The following PRELID3B variants were observed in gnomAD, a reference collection of about 807,000 sequenced individuals.
The protein encoded by PRELID3B is PRELI domain containing 3B.
In PRELID3B, 15 loss-of-function variants were observed where a neutral mutation model predicts 24.0. The ratio of observed to expected loss-of-function variants is 0.63; its 90% CI spans 0.42 to 0.96. The LOEUF is 0.96. Among genes scored for constraint, PRELID3B ranks in the 40% least tolerant of loss-of-function variants. PRELID3B has a pLI of 0.00. For missense variants in PRELID3B, 189 were observed against 236.0 expected, an observed-to-expected ratio of 0.80 and a Z score of 1.30; for synonymous variants, 62 against 76.0, an observed-to-expected ratio of 0.82 and a Z score of 0.96.
In PRELID3B at chr20:59,034,912, ACC is replaced by A; in HGVS notation, c.*93_*94del. ...TATCAAAAAAAAAAAAAAAAAAACT[ACC>A]CAAAATATAGTTGTATTTTTAAAAT... On this transcript the variant is annotated 3_prime_UTR_variant, in exon 6 of 6. Transcript: ENST00000355937. 2 of 1,135,930 alleles carry A rather than the reference ACC, an allele frequency of 1.8e-6. No homozygotes were observed. The highest frequency in any genetic ancestry group is 2.3e-6 in the Non-Finnish European group (2 of 866,294). The allele number at this position is 1,135,930 out of a possible 1,614,324, so 70.4% of individuals were successfully genotyped here.
At chr20:59,041,728 C>T (rs906258236) in intron 1 of PRELID3B, among the ~76,000 whole-genome samples, 2 of 152,076 alleles carry the variant, frequency 1.3e-5, no homozygotes, top group African/African-American at 4.8e-5. Context: ...GAGCGAGACT[C>T]TGCCTCAAAA....
At position 59,034,709 on chromosome 20, in the gene PRELID3B, T is replaced by C; in HGVS notation, c.*298A>G. On this transcript the variant is annotated 3_prime_UTR_variant, in exon 6 of 6. Coordinates refer to ENST00000355937, the MANE Select transcript of PRELID3B (RefSeq NM_016045.3). ...CAATGTATGAAAAGCTTGAAAAATCTACCTTAAGGAGACTGAATATCAATA... is the reference window on the plus strand; with the variant it reads ...CAATGTATGAAAAGCTTGAAAAATCCACCTTAAGGAGACTGAATATCAATA... 4.2e-6 allele frequency: 1 copy of C among 239,928 alleles called. No homozygotes were observed. The allele number at this position is 239,928 out of a possible 1,614,324, so 14.9% of individuals were successfully genotyped here. A position where few individuals can be genotyped will look rare whatever the true frequency, so the allele number is the denominator to read the frequency against.
intron 5 of PRELID3B, 75 bp from the exon 6 acceptor site, chr20:59,035,201 A>T: frequency 7.2e-7 from 1 of 1,390,342 alleles, no homozygotes; most frequent in Non-Finnish European, 9.7e-7. Context: ...ACACACCAGG[A>T]AGTAACAAGG....
chr20:59,034,039 A>G lies in PRELID3B; in HGVS notation c.*968T>C, dbSNP rs1039838468. On this transcript the variant is annotated 3_prime_UTR_variant, in exon 6 of 6. Coordinates refer to ENST00000355937, the MANE Select transcript of PRELID3B (RefSeq NM_016045.3). ...ACTAAGTACCTGGGATTTATGCCTC[A>G]GAGCAAGACATCATTTGAGTAATTT... 5 of 152,220 alleles carry G rather than the reference A, an allele frequency of 3.3e-5. No homozygotes were observed. The highest frequency in any genetic ancestry group is 1.2e-4 in the African/African-American group (5 of 41,466). 9.4% of individuals were successfully genotyped at this position (152,220 alleles called of 1,614,324 possible). A position where few individuals can be genotyped will look rare whatever the true frequency, so the allele number is the denominator to read the frequency against.
chr20:59,036,711 G>C lies in PRELID3B; in HGVS notation c.341C>G (p.Pro114Arg). 6.2e-7 allele frequency: 1 copy of C among 1,601,030 alleles called. No homozygotes were observed. Among genetic ancestry groups the C allele is most frequent in the Non-Finnish European group, 8.5e-7 (1 of 1,169,942 alleles). ...TCACTTTTCTGGATCCTGAGGATGT[G>C]GTTTGTATATAAGTCTCTCATCTAC... ...VSVDERLIYK[P>R]HPQDPEKTVL... Residue 114 changes from proline (P) to arginine (R), a missense_variant, in exon 4 of 6, where the codon CCA (proline) becomes CGA (arginine). Coordinates refer to ENST00000355937, the MANE Select transcript of PRELID3B (RefSeq NM_016045.3).
chr20:59,035,278 T>C, intron 5 of PRELID3B, 152 bp from the exon 6 acceptor site: 1 of 637,294 alleles, frequency 1.6e-6, no homozygotes, highest in Non-Finnish European at 2.5e-6. Flanking sequence ...TCTAATGTTA[T>C]TTAGCAAACA....
chr20:59,042,591 T>C (rs1169432566), intron 1 of PRELID3B, 108 bp downstream of exon 1: 2 of 1,117,464 alleles, frequency 1.8e-6, no homozygotes, highest in African/African-American at 3.3e-5. Flanking sequence ...TTCGCTCCCC[T>C]CGCTAGGCCC....
In PRELID3B at chr20:59,034,912, A is replaced by C; in HGVS notation, c.*95T>G. On this transcript the variant is annotated 3_prime_UTR_variant, in exon 6 of 6. Transcript: ENST00000355937. Reference sequence around the variant, plus strand: ...TATCAAAAAAAAAAAAAAAAAAACTACCCAAAATATAGTTGTATTTTTAAA... The same window carrying C: ...TATCAAAAAAAAAAAAAAAAAAACTCCCCAAAATATAGTTGTATTTTTAAA... 1.8e-6 allele frequency: 2 copies of C among 1,135,938 alleles called. No individual in the cohort carries two copies. The allele number at this position is 1,135,938 out of a possible 1,614,324, so 70.4% of individuals were successfully genotyped here.
At chr20:59,036,173 A>T (rs2092070580) in intron 5 of PRELID3B, among the ~76,000 whole-genome samples, 1 of 152,176 alleles carries the variant, frequency 6.6e-6, no homozygotes, top group Non-Finnish European at 1.5e-5. Flanking sequence ...CTCAGGCTAC[A>T]CACTTTCCAT....
rs144711466 is a variant in PRELID3B at position 59,040,663 on chromosome 20, C to T, written c.33-2029G>A. Among the ~76,000 whole-genome samples the T allele has an allele frequency of 3.3e-3, 499 of 152,326 alleles. 1 individual carries two copies. Among genetic ancestry groups the T allele is most frequent in the African/African-American group, 0.011 (478 of 41,570 alleles). On this transcript the variant is annotated intron_variant, in intron 1 of 5. Coordinates refer to ENST00000355937, the MANE Select transcript of PRELID3B (RefSeq NM_016045.3). The surrounding 1 kb of genome is among the most constrained non-coding windows in gnomAD (Gnocchi z 4.1). ...GTGACATCCTAAAGATCAGAAACAA[C>T]GCTCAGATTTGTCAGGGGAGATGAT...
At chr20:59,038,842 G>A (rs1479785253) in intron 1 of PRELID3B, among the ~76,000 whole-genome samples, 2 of 152,014 alleles carry the variant, frequency 1.3e-5, no homozygotes, top group Non-Finnish European at 2.9e-5. Context: ...CCACAATACA[G>A]GCTATGTAAA....
intron 2 of PRELID3B, among the ~76,000 whole-genome samples, chr20:59,037,708 CAGCGTTCT>C (rs1196750083): frequency 6.6e-6 from 1 of 152,236 alleles, no homozygotes; most frequent in African/African-American, 2.4e-5. Context: ...GACAGAAAAA[CAGCGTTCT>C]TACGATGGAG....
intron 1 of PRELID3B, among the ~76,000 whole-genome samples, chr20:59,042,198 C>T (rs2092114906): frequency 6.6e-6 from 1 of 152,220 alleles, no homozygotes; most frequent in Admixed American, 6.5e-5. Flanking sequence ...GGCTTCACAT[C>T]CTGGTGGTCA....
At chr20:59,041,569 T>C (rs537257274) in intron 1 of PRELID3B, among the ~76,000 whole-genome samples, 1 of 152,228 alleles carries the variant, frequency 6.6e-6, no homozygotes, top group Admixed American at 6.5e-5. Context: ...ACTCCGTCTC[T>C]ACTAAAAATA....
chr20:59,037,160 C>A (rs777545489), intron 3 of PRELID3B, 31 bp downstream of exon 3: 5 of 1,529,268 alleles, frequency 3.3e-6, no homozygotes, highest in Non-Finnish European at 4.5e-6. Context: ...CCAGACAGTT[C>A]GAAATGAAAC....
chr20:59,036,683 T>A lies in PRELID3B; in HGVS notation c.362+7A>T. On this transcript the variant is annotated splice_region_variant and intron_variant, in intron 4 of 5. Transcript: ENST00000355937. ...ACGATACATTTGTTAAAATATTTTT[T>A]ACTCACTTTTCTGGATCCTGAGGAT... The A allele has an allele frequency of 6.3e-7, 1 of 1,594,898 alleles. No individual in the cohort carries two copies. Among genetic ancestry groups the A allele is most frequent in the Non-Finnish European group, 8.6e-7 (1 of 1,167,150 alleles).
At position 59,036,577 on chromosome 20, in the gene PRELID3B, G is replaced by T; in HGVS notation, c.363-4C>A. On this transcript the variant is annotated splice_polypyrimidine_tract_variant and splice_region_variant and intron_variant, in intron 4 of 5. Coordinates refer to ENST00000355937, the MANE Select transcript of PRELID3B (RefSeq NM_016045.3). Reference sequence around the variant, plus strand: ...GGCTTCTTGTGTCAAAACAGTTCTGGAACAAAACATATTCACACAGGTTCA... The same window carrying T: ...GGCTTCTTGTGTCAAAACAGTTCTGTAACAAAACATATTCACACAGGTTCA... 1 of 1,609,972 alleles carries T rather than the reference G, an allele frequency of 6.2e-7. No individual in the cohort carries two copies. Among genetic ancestry groups the T allele is most frequent in the African/African-American group, 1.4e-5 (1 of 72,648 alleles).
In PRELID3B at chr20:59,034,779, A is replaced by G; in HGVS notation, c.*228T>C. On this transcript the variant is annotated 3_prime_UTR_variant, in exon 6 of 6. Transcript: ENST00000355937. Reference sequence around the variant, plus strand: ...TGTTGAATTTTCACAGAAATACTGGAACCCTCAAAATCAGATAGTAATTTC... The same window carrying G: ...TGTTGAATTTTCACAGAAATACTGGGACCCTCAAAATCAGATAGTAATTTC... 1 of 397,198 alleles carries G rather than the reference A, an allele frequency of 2.5e-6. No individual in the cohort carries two copies. Among genetic ancestry groups the G allele is most frequent in the Non-Finnish European group, 4.5e-6 (1 of 224,566 alleles). The allele number at this position is 397,198 out of a possible 1,614,324, so 24.6% of individuals were successfully genotyped here.
At chr20:59,035,433 G>A (rs1472324477) in intron 5 of PRELID3B, among the ~76,000 whole-genome samples, 1 of 152,188 alleles carries the variant, frequency 6.6e-6, no homozygotes, top group Non-Finnish European at 1.5e-5. Flanking sequence ...GGGCAAGAAG[G>A]TCAAATCCCT....
Sources: allele counts gnomAD v4.1 joint callset (sites outside exome capture counted in the v4.1 genomes callset), GRCh38; gene constraint gnomAD v4.1.1; non-coding constraint Gnocchi (gnomAD v3.1); transcripts MANE v1.5; gene names NCBI Gene and HGNC (gene_info 2026-07-23, HGNC 2026-07-21).